The following BNC2 variants were observed in gnomAD, a reference collection of about 807,000 sequenced individuals.
The protein encoded by BNC2 is basonuclin zinc finger protein 2.
In BNC2, 20 loss-of-function variants were observed where a neutral mutation model predicts 76.3. The observed-to-expected ratio is 0.26, with a 90% CI of 0.18 to 0.38. The LOEUF (loss-of-function observed/expected upper bound fraction) is 0.38, where lower values mean the gene tolerates loss of function less well. BNC2 is among the 10% of genes least tolerant of loss of function. The probability of loss-of-function intolerance (pLI) is 1.00; values close to 1 mark genes in which losing one functional copy is unlikely to be tolerated. For missense variants in BNC2, 1,382 were observed against 1,399.8 expected (o/e 0.99, Z 0.20); for synonymous variants, 582 against 514.8 (o/e 1.13, Z -1.77).
chr9:16,789,964 C>G (rs867227514), intron 1 of BNC2, among the ~76,000 whole-genome samples: 13 of 152,164 alleles, frequency 8.5e-5, no homozygotes, highest in African/African-American at 3.1e-4. Context: ...CATGATAATG[C>G]AATACCACAA....
chr9:16,640,288 CTCTT>C (rs1242774010), intron 3 of BNC2, among the ~76,000 whole-genome samples: 2 of 152,184 alleles, frequency 1.3e-5, no homozygotes, highest in Admixed American at 6.5e-5. Context: ...CAATCTCTCT[CTCTT>C]TCTCTCTAAG....
At chr9:16,769,021 C>T (rs1227645349) in intron 1 of BNC2, among the ~76,000 whole-genome samples, 1 of 152,060 alleles carries the variant, frequency 6.6e-6, no homozygotes, top group Admixed American at 6.6e-5. Flanking sequence ...TTCCAGAGAC[C>T]TGAAATGGGG....
intron 3 of BNC2, among the ~76,000 whole-genome samples, chr9:16,616,863 G>A (rs749410793): frequency 2.1e-4 from 30 of 145,204 alleles, no homozygotes; most frequent in Admixed American, 1.3e-3. Context: ...TGGGAATTTC[G>A]TAGGTGGCTC....
intron 3 of BNC2, among the ~76,000 whole-genome samples, chr9:16,609,261 T>C (rs1477110018): frequency 2.6e-5 from 4 of 152,158 alleles, no homozygotes; most frequent in African/African-American, 4.8e-5. Context: ...GGGGATTGTA[T>C]ACATAGTATA....
intron 1 of BNC2, among the ~76,000 whole-genome samples, chr9:16,848,495 T>C (rs1161097333): frequency 6.6e-6 from 1 of 152,178 alleles, no homozygotes; most frequent in Admixed American, 6.5e-5. Flanking sequence ...CCAAATCCCA[T>C]CTTATGAGCC....
In BNC2 at chr9:16,413,245, G is replaced by C. The variant is rs1484781855; in HGVS notation, c.*5744C>G. On this transcript the variant is annotated 3_prime_UTR_variant, in exon 7 of 7. Coordinates refer to ENST00000380672, the MANE Select transcript of BNC2 (RefSeq NM_017637.6). ...GAATTTACAACAGCACTTTAGAGGA[G>C]AAGAATAAAGATAGTTTTATGACAA... The C allele has an allele frequency of 6.6e-6, 1 of 151,656 alleles. No homozygotes were observed. Among genetic ancestry groups the C allele is most frequent in the Non-Finnish European group, 1.5e-5 (1 of 67,988 alleles). 9.4% of individuals were successfully genotyped at this position (151,656 alleles called of 1,614,324 possible).
At chr9:16,657,856 A>T (rs1421898746) in intron 3 of BNC2, among the ~76,000 whole-genome samples, 2 of 152,182 alleles carry the variant, frequency 1.3e-5, no homozygotes, top group African/African-American at 4.8e-5. Context: ...TGTGGGGGCT[A>T]CTTGGGATAC....
At chr9:16,688,564 C>G (rs74512669) in intron 3 of BNC2, among the ~76,000 whole-genome samples, 2,550 of 152,236 alleles carry the variant, frequency 0.017, 35 homozygotes, top group South Asian at 0.031. Flanking sequence ...ACTTGACATA[C>G]TATATAGTAC....
At chr9:16,593,599 T>C (rs932320057) in intron 3 of BNC2, among the ~76,000 whole-genome samples, 2 of 152,054 alleles carry the variant, frequency 1.3e-5, no homozygotes, top group Non-Finnish European at 2.9e-5. Flanking sequence ...AGGCAATTAG[T>C]AATATTAAAG....
chr9:16,717,224 C>A (rs934275227), intron 3 of BNC2, among the ~76,000 whole-genome samples: 1 of 152,102 alleles, frequency 6.6e-6, no homozygotes, highest in African/African-American at 2.4e-5. Context: ...AAGATATGAT[C>A]TTATAGGATG....
rs559351387 is a variant in BNC2 at position 16,793,876 on chromosome 9, T to G, written c.4-55391A>C. Among the ~76,000 whole-genome samples, 169 of 143,610 alleles carry G rather than the reference T, an allele frequency of 1.2e-3. 4 individuals carry two copies. Among genetic ancestry groups the G allele is most frequent in the African/African-American group, 3.8e-3 (149 of 39,554 alleles). 94.2% of individuals were successfully genotyped at this position (143,610 alleles called of 152,430 possible). A position where few individuals can be genotyped will look rare whatever the true frequency, so the allele number is the denominator to read the frequency against. ...GTGGTTTTTGTTTTTTTGTTTTTTT[T>G]TTTTTTTAGTAGAGACGGAGTTTCA... On this transcript the variant is annotated intron_variant, in intron 1 of 6. Transcript: ENST00000380672.
At chr9:16,434,538 G>A (rs1202986636) in intron 6 of BNC2, among the ~76,000 whole-genome samples, 2 of 152,184 alleles carry the variant, frequency 1.3e-5, no homozygotes, top group East Asian at 3.8e-4. Flanking sequence ...ACTAACTGCT[G>A]TGTGACCCGA....
At chr9:16,782,971 T>C (rs987992810) in intron 1 of BNC2, among the ~76,000 whole-genome samples, 47 of 152,200 alleles carry the variant, frequency 3.1e-4, no homozygotes, top group African/African-American at 1.1e-3. Flanking sequence ...GTGTTTCATA[T>C]AATGAAAACA....
At chr9:16,551,710 C>A (rs1270005785) in intron 5 of BNC2, among the ~76,000 whole-genome samples, 1 of 152,204 alleles carries the variant, frequency 6.6e-6, no homozygotes, top group Non-Finnish European at 1.5e-5. Flanking sequence ...TCAACATTGA[C>A]CCCTCAAGGG....
intron 5 of BNC2, among the ~76,000 whole-genome samples, chr9:16,532,474 G>A (rs1262705450): frequency 6.6e-6 from 1 of 152,066 alleles, no homozygotes; most frequent in Admixed American, 6.5e-5. Flanking sequence ...AATAGACACT[G>A]ACCACAACCT....
intron 1 of BNC2, among the ~76,000 whole-genome samples, chr9:16,797,899 G>T (rs893694898): frequency 2.0e-5 from 3 of 152,024 alleles, no homozygotes; most frequent in Non-Finnish European, 2.9e-5. Flanking sequence ...GAAAGTATGG[G>T]ATATCCACAG....
At chr9:16,621,369 A>G (rs753605451) in intron 3 of BNC2, among the ~76,000 whole-genome samples, 3 of 152,192 alleles carry the variant, frequency 2.0e-5, no homozygotes, top group Non-Finnish European at 4.4e-5. Flanking sequence ...GTCTGTGGTT[A>G]GCAAAACTGA....
intron 1 of BNC2, among the ~76,000 whole-genome samples, chr9:16,780,255 A>AAC (rs1554729427): frequency 1.5e-5 from 2 of 135,404 alleles, no homozygotes; most frequent in Non-Finnish European, 3.1e-5. Context: ...AAAAAAAAAA[A>AAC]ACAAAAAAAA....
At chr9:16,846,403 G>C (rs1196572760) in intron 1 of BNC2, among the ~76,000 whole-genome samples, 1 of 152,094 alleles carries the variant, frequency 6.6e-6, no homozygotes, top group Non-Finnish European at 1.5e-5. Context: ...ATTTCTCTTT[G>C]AAAAATATTT....
Sources: allele counts gnomAD v4.1 joint callset (sites outside exome capture counted in the v4.1 genomes callset), GRCh38; gene constraint gnomAD v4.1.1; transcripts MANE v1.5; gene names NCBI Gene and HGNC (gene_info 2026-07-23, HGNC 2026-07-21).